The following STXBP6 variants were observed in gnomAD, a reference collection of about 807,000 sequenced individuals.
STXBP6 encodes the protein syntaxin-binding protein 6.
In STXBP6, 21 loss-of-function variants were observed where a neutral mutation model predicts 26.9. The ratio of observed to expected loss-of-function variants is 0.78; its 90% CI spans 0.55 to 1.12. The LOEUF (loss-of-function observed/expected upper bound fraction) is 1.12. Ranked by LOEUF, STXBP6 falls within the 50% of genes most tolerant of loss-of-function variation. The pLI, the probability that STXBP6 is intolerant of heterozygous loss-of-function variation, is 0.00. For missense variants in STXBP6, 232 were observed against 257.9 expected (o/e 0.90, Z 0.69); for synonymous variants, 97 against 92.6 (o/e 1.05, Z -0.27).
intron 1 of STXBP6, among the ~76,000 whole-genome samples, chr14:24,989,176 A>G (rs1344258849): frequency 6.6e-6 from 1 of 152,138 alleles, no homozygotes; most frequent in Admixed American, 6.6e-5. Flanking sequence ...CTATTCCACC[A>G]TCCAAACTGA....
chr14:24,895,354 C>A (rs185776573), intron 2 of STXBP6, among the ~76,000 whole-genome samples: 13 of 152,218 alleles, frequency 8.5e-5, no homozygotes, highest in Non-Finnish European at 1.5e-4. Context: ...GATTTAAATG[C>A]AATGTGCTTA....
intron 2 of STXBP6, among the ~76,000 whole-genome samples, chr14:24,928,991 A>G (rs1172483689): frequency 6.6e-6 from 1 of 152,184 alleles, no homozygotes; most frequent in East Asian, 1.9e-4. Context: ...AGGCCAACAG[A>G]TGACAGAAGA....
intron 2 of STXBP6, among the ~76,000 whole-genome samples, chr14:24,930,692 G>A (rs1008114536): frequency 2.6e-5 from 4 of 152,142 alleles, no homozygotes; most frequent in Non-Finnish European, 5.9e-5. Context: ...CTGGGTAATA[G>A]GAGAGACTTT....
At chr14:24,998,644 A>G (rs956107168) in intron 1 of STXBP6, among the ~76,000 whole-genome samples, 2 of 152,186 alleles carry the variant, frequency 1.3e-5, no homozygotes, top group East Asian at 3.8e-4. Context: ...TAGAACTCAT[A>G]AATTTGTACA....
chr14:24,946,104 T>C (rs2072979718), intron 2 of STXBP6, among the ~76,000 whole-genome samples: 1 of 152,254 alleles, frequency 6.6e-6, no homozygotes, highest in Non-Finnish European at 1.5e-5. Flanking sequence ...TCAACTATTC[T>C]TTATTTCAAC....
At chr14:25,034,103 G>C (rs17109509) in intron 1 of STXBP6, among the ~76,000 whole-genome samples, 7,662 of 152,202 alleles carry the variant, frequency 0.05, 486 homozygotes, top group African/African-American at 0.15. Context: ...GAAAGAAGTA[G>C]GGTGCTGCAT....
At chr14:24,895,819 T>G (rs2070970128) in intron 2 of STXBP6, among the ~76,000 whole-genome samples, 1 of 152,134 alleles carries the variant, frequency 6.6e-6, no homozygotes, top group Non-Finnish European at 1.5e-5. Context: ...CTGCCTAACC[T>G]CTCTGAGCAT....
intron 2 of STXBP6, among the ~76,000 whole-genome samples, chr14:24,919,717 T>C (rs773280086): frequency 6.6e-6 from 1 of 152,058 alleles, no homozygotes; most frequent in Non-Finnish European, 1.5e-5. Context: ...TGCAATATAG[T>C]GACTTGGTTT....
intron 2 of STXBP6, among the ~76,000 whole-genome samples, chr14:24,886,317 T>C (rs1408391061): frequency 1.3e-5 from 2 of 152,210 alleles, no homozygotes; most frequent in Non-Finnish European, 2.9e-5. Context: ...TGAGCTGCCA[T>C]TTCTTATCTG....
chr14:24,879,067 A>G (rs2139408441), intron 2 of STXBP6, among the ~76,000 whole-genome samples: 1 of 152,326 alleles, frequency 6.6e-6, no homozygotes, highest in East Asian at 1.9e-4. Flanking sequence ...ATAAACAACA[A>G]AAAACAAATG....
At chr14:24,840,743 A>G (rs2068759725) in intron 4 of STXBP6, among the ~76,000 whole-genome samples, 1 of 152,184 alleles carries the variant, frequency 6.6e-6, no homozygotes, top group Admixed American at 6.5e-5. Context: ...TTGCCCTCAT[A>G]AATTCTCTGA....
chr14:24,850,708 GT>G (rs1160612802), intron 4 of STXBP6, among the ~76,000 whole-genome samples: 1 of 151,996 alleles, frequency 6.6e-6, no homozygotes, highest in Non-Finnish European at 1.5e-5. Context: ...GCTGGTGAAG[GT>G]GCCTACTGTG....
chr14:24,852,394 A>G (rs569832044), intron 4 of STXBP6, among the ~76,000 whole-genome samples: 7 of 152,220 alleles, frequency 4.6e-5, no homozygotes, highest in Non-Finnish European at 8.8e-5. Flanking sequence ...ACTGACTTCC[A>G]TTGTTAGGAA....
intron 1 of STXBP6, among the ~76,000 whole-genome samples, chr14:25,029,189 C>T (rs191152800): frequency 3.9e-5 from 6 of 152,218 alleles, no homozygotes; most frequent in African/African-American, 1.2e-4. Context: ...GGGTAAAATG[C>T]TAACAAACAG....
chr14:24,992,042 G>C (rs1383391120), intron 1 of STXBP6, among the ~76,000 whole-genome samples: 1 of 152,164 alleles, frequency 6.6e-6, no homozygotes, highest in Non-Finnish European at 1.5e-5. Flanking sequence ...CAAGCACATT[G>C]TAGGGAACTG....
At position 25,049,314 on chromosome 14, in the gene STXBP6, G is replaced by A. The variant is rs898925383; in HGVS notation, c.-33+564C>T. 1 of 985,448 alleles carries A rather than the reference G, an allele frequency of 1.0e-6. No homozygotes were observed. The highest frequency in any genetic ancestry group is 1.2e-6 in the Non-Finnish European group (1 of 829,942). 61.0% of individuals were successfully genotyped at this position (985,448 alleles called of 1,614,324 possible). On this transcript the variant is annotated intron_variant, in intron 1 of 5. Transcript: ENST00000323944. The surrounding 1 kb of genome is among the most constrained non-coding windows in gnomAD (Gnocchi z 5.6). Reference sequence around the variant, plus strand: ...CTTGACCAAGCCTGAGATCGGAAAGGGGGCATCGCCCAGGGCCAGCGCCCT... The same window carrying A: ...CTTGACCAAGCCTGAGATCGGAAAGAGGGCATCGCCCAGGGCCAGCGCCCT...
chr14:24,976,209 A>G (rs1431818565), intron 1 of STXBP6, among the ~76,000 whole-genome samples: 1 of 152,242 alleles, frequency 6.6e-6, no homozygotes, highest in Admixed American at 6.5e-5. Flanking sequence ...GTTTATAGTA[A>G]AAGATCACGG....
chr14:24,895,302 A>G (rs1336157559), intron 2 of STXBP6, among the ~76,000 whole-genome samples: 1 of 152,234 alleles, frequency 6.6e-6, no homozygotes, highest in East Asian at 1.9e-4. Context: ...CCAACATGTT[A>G]ACACTGTTTA....
chr14:25,044,053 C>T (rs544565242), intron 1 of STXBP6, among the ~76,000 whole-genome samples: 4 of 151,840 alleles, frequency 2.6e-5, no homozygotes, highest in African/African-American at 9.7e-5. Context: ...TGCCTGTAGT[C>T]CCAGCTACTC....
Sources: gnomAD v4.1 joint callset for allele counts (sites outside exome capture counted in the v4.1 genomes callset) on GRCh38, gnomAD v4.1.1 for gene constraint, Gnocchi (gnomAD v3.1) non-coding constraint, MANE v1.5 for transcripts, NCBI Gene and HGNC (gene_info 2026-07-23, HGNC 2026-07-21) for gene names.